The following RAB28 variants were observed in gnomAD, a reference collection of about 807,000 sequenced individuals.
The protein encoded by RAB28 is RAB28, member RAS oncogene family.
RAB28 carries 24 observed loss-of-function variants against 31.7 expected under a neutral mutation model. That is an observed-to-expected ratio of 0.76 (90% CI 0.55 to 1.06). RAB28 has a LOEUF of 1.06. Ranked by LOEUF, RAB28 falls within the 50% of genes least tolerant of loss-of-function variation. The pLI, the probability that RAB28 is intolerant of heterozygous loss-of-function variation, is 0.00. For missense variants in RAB28, 254 were observed against 258.5 expected (o/e 0.98, Z 0.12); for synonymous variants, 100 against 90.4 (o/e 1.11, Z -0.60).
chr4:13,371,921 A>G, intron 6 of RAB28: 1 of 1,462,316 alleles, frequency 6.8e-7, no homozygotes, highest in Non-Finnish European at 9.4e-7. Flanking sequence ...GATATTTTCA[A>G]AGAGCATTTG....
chr4:13,467,614 T>C (rs1330748708), intron 3 of RAB28, among the ~76,000 whole-genome samples: 2 of 151,882 alleles, frequency 1.3e-5, no homozygotes, highest in South Asian at 2.1e-4. Flanking sequence ...AAAATGTATA[T>C]TGCAAACTCT....
intron 6 of RAB28, among the ~76,000 whole-genome samples, chr4:13,373,963 GTGTGTGTGTATATA>G (rs1005600252): frequency 7.1e-6 from 1 of 140,098 alleles, no homozygotes; most frequent in Non-Finnish European, 1.6e-5. Context: ...GTATGTATGT[GTGTGTGTGTATATA>G]TGTGTGTGTG....
At chr4:13,378,727 T>C (rs113258143) in intron 5 of RAB28, among the ~76,000 whole-genome samples, 72 of 152,244 alleles carry the variant, frequency 4.7e-4, no homozygotes, top group Middle Eastern at 3.4e-3. Flanking sequence ...ATAGATCCCA[T>C]AGTAACCACA....
At chr4:13,462,313 G>A (rs1415492163) in intron 3 of RAB28, among the ~76,000 whole-genome samples, 1 of 152,058 alleles carries the variant, frequency 6.6e-6, no homozygotes, top group East Asian at 1.9e-4. Context: ...GAGTTGGGGA[G>A]GTCACCATTA....
At chr4:13,466,749 C>T (rs1322268799) in intron 3 of RAB28, among the ~76,000 whole-genome samples, 3 of 151,932 alleles carry the variant, frequency 2.0e-5, no homozygotes, top group Non-Finnish European at 4.4e-5. Flanking sequence ...TGTTGCAGCA[C>T]TGTCACAATA....
At chr4:13,427,688 A>C (rs1713581989) in intron 4 of RAB28, among the ~76,000 whole-genome samples, 1 of 152,182 alleles carries the variant, frequency 6.6e-6, no homozygotes, top group Non-Finnish European at 1.5e-5. Context: ...AGATTGAGCA[A>C]ATAAGAACCA....
At chr4:13,471,214 T>C (rs1031827535) in intron 3 of RAB28, among the ~76,000 whole-genome samples, 1 of 152,102 alleles carries the variant, frequency 6.6e-6, no homozygotes, top group Non-Finnish European at 1.5e-5. Context: ...ATAAAGCATC[T>C]ATAACTCCAG....
intron 4 of RAB28, 95 bp from the exon 5 acceptor site, chr4:13,381,689 T>C (rs371702410): frequency 5.8e-6 from 5 of 863,166 alleles, no homozygotes; most frequent in Non-Finnish European, 7.1e-6. Context: ...CAATATTATA[T>C]TCCAGCTTCG....
chr4:13,416,889 A>G (rs1284790706), intron 4 of RAB28, among the ~76,000 whole-genome samples: 2 of 152,176 alleles, frequency 1.3e-5, no homozygotes, highest in East Asian at 3.9e-4. Context: ...GACTGGTAGG[A>G]CAGTGGATGC....
chr4:13,480,991 A>G (rs1400159568), intron 1 of RAB28, among the ~76,000 whole-genome samples: 4 of 151,996 alleles, frequency 2.6e-5, no homozygotes, highest in African/African-American at 9.6e-5. Flanking sequence ...TATTACAGAT[A>G]TTTCAAAATA....
In RAB28 at chr4:13,484,077, T is replaced by G; in HGVS notation, c.74A>C (p.Lys25Thr). 1 of 1,596,138 alleles carries G rather than the reference T, an allele frequency of 6.3e-7. No homozygotes were observed. Among genetic ancestry groups the G allele is most frequent in the African/African-American group, 1.3e-5 (1 of 74,598 alleles). ...CGGCGGGCCTGCTCGAGGACTGACCTTCCCGGAGGCGCCGTCCCCCAGCAC... is the reference window on the plus strand; with the variant it reads ...CGGCGGGCCTGCTCGAGGACTGACCGTCCCGGAGGCGCCGTCCCCCAGCAC... ...IVVLGDGASG[K>T]TSLTTCFAQE... Residue 25 changes from lysine to threonine, a missense_variant and splice_region_variant, in exon 1 of 7, where the codon AAG becomes ACG. Physicochemically the swap from Lys to Thr is moderately conservative, Grantham distance 78. Coordinates refer to ENST00000330852, the MANE Select transcript of RAB28 (RefSeq NM_001017979.3).
intron 4 of RAB28, among the ~76,000 whole-genome samples, chr4:13,455,117 C>T (rs1014664883): frequency 4.6e-5 from 7 of 152,170 alleles, no homozygotes; most frequent in Admixed American, 2.0e-4. Flanking sequence ...TTGCCAGGGG[C>T]AGCCTATGGA....
At chr4:13,395,213 G>C (rs552965175) in intron 4 of RAB28, among the ~76,000 whole-genome samples, 137 of 152,050 alleles carry the variant, frequency 9.0e-4, no homozygotes, top group Middle Eastern at 3.4e-3. Flanking sequence ...TGATATAGCT[G>C]GTTTTATATT....
chr4:13,435,308 C>A (rs188761623), intron 4 of RAB28, among the ~76,000 whole-genome samples: 1 of 151,650 alleles, frequency 6.6e-6, no homozygotes, highest in African/African-American at 2.4e-5. Flanking sequence ...TAATGTCACA[C>A]CTAAAGGAAC....
At chr4:13,438,172 A>T (rs1714227027) in intron 4 of RAB28, among the ~76,000 whole-genome samples, 1 of 152,186 alleles carries the variant, frequency 6.6e-6, no homozygotes, top group South Asian at 2.1e-4. Context: ...ATTAATCCAG[A>T]TTGGTAAAAT....
intron 1 of RAB28, among the ~76,000 whole-genome samples, chr4:13,481,792 T>C (rs974729750): frequency 1.3e-5 from 2 of 152,038 alleles, no homozygotes; most frequent in African/African-American, 2.4e-5. Flanking sequence ...TGTCAGTGTG[T>C]TGAAAAATGC....
At chr4:13,439,519 G>T (rs568488207) in intron 4 of RAB28, among the ~76,000 whole-genome samples, 1 of 151,948 alleles carries the variant, frequency 6.6e-6, no homozygotes, top group South Asian at 2.1e-4. Context: ...GCTAATTGTT[G>T]TATCTTTAGT....
Position 13,460,720 on chromosome 4 carries a change from C to T in RAB28, c.370G>A (p.Val124Ile). ...VSEESETQPL[V>I]ALVGNKIDLE... ...TTACTTTTATTGCCTACCAAGGCAA[C>T]CAGTGGCTGAGTTTCTGACTCCTCG... The change falls in exon 4 of 7, where the codon GTT becomes ATT. Residue 124 changes from valine (V) to isoleucine (I), a missense_variant. Coordinates refer to ENST00000330852, the MANE Select transcript of RAB28 (RefSeq NM_001017979.3). 1 of 1,614,004 alleles carries T rather than the reference C, an allele frequency of 6.2e-7. No individual in the cohort carries two copies. Among genetic ancestry groups the T allele is most frequent in the Non-Finnish European group, 8.5e-7 (1 of 1,179,916 alleles).
rs537134956 is a variant in RAB28, at chr4:13,441,604, T to C, written c.391+19095A>G. 2.6e-5 allele frequency among the ~76,000 whole-genome samples: 4 copies of C among 152,362 alleles called. No homozygotes were observed. The East Asian group carries it at 7.7e-4, about 29-fold the overall frequency. ...AAGTCAGGTGGTTACTTGCAGTTAA[T>C]GATCTGTGACATACCACACAAGTAA... On this transcript the variant is annotated intron_variant, in intron 4 of 6. Coordinates refer to ENST00000330852, the MANE Select transcript of RAB28 (RefSeq NM_001017979.3).
Sources: gnomAD v4.1 joint callset for allele counts (sites outside exome capture counted in the v4.1 genomes callset) on GRCh38, gnomAD v4.1.1 for gene constraint, MANE v1.5 for transcripts, NCBI Gene and HGNC (gene_info 2026-07-23, HGNC 2026-07-21) for gene names.